Variants in B3GNT4 observed in about 807,000 individuals in gnomAD.
B3GNT4 encodes UDP-GlcNAc:betaGal beta-1,3-N-acetylglucosaminyltransferase 4.
Under a neutral mutation model 2.7 loss-of-function variants are expected in B3GNT4, and 2 were observed. The ratio of observed to expected loss-of-function variants is 0.73; its 90% CI spans 0.30 to 2.31. The LOEUF (loss-of-function observed/expected upper bound fraction) is 2.31. B3GNT4 is among the 30% of genes most tolerant of loss of function. The pLI is 0.12. For synonymous variants in B3GNT4, 280 were observed against 203.4 expected (o/e 1.38, Z -3.20); for missense variants, 708 against 490.9 (o/e 1.44, Z -4.18).
At position 122,204,966 on chromosome 12, in the gene B3GNT4, GCTGCAGTGAGCTATAATTGTGCCA is replaced by G. The variant is rs1265957480; in HGVS notation, c.66+288_66+311del. The G allele has an allele frequency of 2.7e-5, 12 of 450,816 alleles. No homozygotes were observed. In the East Asian group the frequency reaches 5.8e-4, roughly 22 times the overall value. 27.9% of individuals were successfully genotyped at this position (450,816 alleles called of 1,614,324 possible). The stretch of plus-strand genomic sequence containing the variant: ...GATCGCTTGAACCCAGGAGTTCCAG[GCTGCAGTGAGCTATAATTGTGCCA>G]CTGCACTAGAGTCTGGGTGACAGAG... On this transcript the variant is annotated intron_variant, in intron 2 of 2. Transcript: ENST00000324189.
chr12:122,204,580 C>G lies in B3GNT4; in HGVS notation c.-39C>G, dbSNP rs764706708. 6.6e-6 allele frequency: 10 copies of G among 1,524,808 alleles called. No homozygotes were observed. The highest frequency in any genetic ancestry group is 9.1e-6 in the Non-Finnish European group (10 of 1,102,870). 94.5% of individuals were successfully genotyped at this position (1,524,808 alleles called of 1,614,324 possible). On this transcript the variant is annotated 5_prime_UTR_variant, in exon 2 of 3. Transcript: ENST00000324189. ...CTTCGACCCCGCCGCCGCCGCCGCC[C>G]GGCATCCTGAGCACGGAGACAGTCT...
Position 122,204,562 on chromosome 12 carries a change from C to CCGCCG in B3GNT4, c.-56_-55insGCCGC. The CCGCCG allele has an allele frequency of 4.9e-6, 7 of 1,437,066 alleles. No individual in the cohort carries two copies. The highest frequency in any genetic ancestry group is 6.8e-6 in the Non-Finnish European group (7 of 1,028,976). 89.0% of individuals were successfully genotyped at this position (1,437,066 alleles called of 1,614,324 possible). ...CACCTGAGACTCATCTCGCTTCGAC[C>CCGCCG]CCGCCGCCGCCGCCGCCCGGCATCC... On this transcript the variant is annotated 5_prime_UTR_variant, in exon 2 of 3. Coordinates refer to ENST00000324189, the MANE Select transcript of B3GNT4 (RefSeq NM_030765.4).
Position 122,208,170 on chromosome 12 carries a change from G to C in B3GNT4, c.*782G>C. Reference sequence around the variant, plus strand: ...CAGAGTGGGGTGAAATGTTAAACAGGGTGCAGTGCCCAAGGGCTAAGAACC... The same window carrying C: ...CAGAGTGGGGTGAAATGTTAAACAGCGTGCAGTGCCCAAGGGCTAAGAACC... On this transcript the variant is annotated 3_prime_UTR_variant, in exon 3 of 3. Transcript: ENST00000324189. 1 of 704,316 alleles carries C rather than the reference G, an allele frequency of 1.4e-6. No individual in the cohort carries two copies. Among genetic ancestry groups the C allele is most frequent in the East Asian group, 2.7e-5 (1 of 36,946 alleles). 43.6% of individuals were successfully genotyped at this position (704,316 alleles called of 1,614,324 possible).
chr12:122,204,396 C>G, intron 1 of B3GNT4, 126 bp from the exon 2 acceptor site: 1 of 442,326 alleles, frequency 2.3e-6, no homozygotes. Flanking sequence ...ACGCCCGCGG[C>G]GGGACAGGGG....
chr12:122,204,827 G>A (rs1296507614), intron 2 of B3GNT4, 143 bp downstream of exon 2: 2 of 679,180 alleles, frequency 2.9e-6, no homozygotes, highest in African/African-American at 1.8e-5. Flanking sequence ...ATCGCTTGAG[G>A]CCAGGAGTTC....
chr12:122,207,118 G>A lies in B3GNT4; in HGVS notation c.867G>A (p.Arg289=). ...ATGTCATGTCCAGAGCCACAGTGCG[G>A]CGCCTCCAGGCTATCATGGAAGATG... ...GGYVMSRATV[R]RLQAIMEDAE... Residue 289 remains arginine (R), a synonymous_variant, in exon 3 of 3, where the codon CGG becomes CGA. Transcript: ENST00000324189. The A allele has an allele frequency of 1.2e-6, 2 of 1,614,130 alleles. No individual in the cohort carries two copies. The highest frequency in any genetic ancestry group is 1.1e-5 in the South Asian group (1 of 91,062).
intron 2 of B3GNT4, 53 bp from the exon 3 acceptor site, chr12:122,206,265 T>C (rs1208854353): frequency 2.1e-6 from 3 of 1,450,776 alleles, no homozygotes; most frequent in Non-Finnish European, 1.8e-6. Context: ...TGCCCAACTC[T>C]TGGGGACAGG....
rs1175304130 is a variant in B3GNT4, at chr12:122,207,158, A to G, written c.907A>G (p.Ile303Val). 3.1e-6 allele frequency: 5 copies of G among 1,613,924 alleles called. No individual in the cohort carries two copies. The highest frequency in any genetic ancestry group is 4.2e-6 in the Non-Finnish European group (5 of 1,180,010). The change falls in exon 3 of 3, where the codon ATT becomes GTT. Residue 303 changes from isoleucine (I) to valine (V), a missense_variant. Physicochemically the swap from Ile to Val is conservative, Grantham distance 29 (BLOSUM62 3). Transcript: ENST00000324189. ...AIMEDAELFPIDDVFVGMCLR... is the reference protein window; with the variant it reads ...AIMEDAELFPVDDVFVGMCLR... ...CATGGAAGATGCTGAACTCTTCCCC[A>G]TTGATGATGTCTTTGTGGGTATGTG...
Position 122,207,308 on chromosome 12 carries a change from C to A in B3GNT4, c.1057C>A (p.Pro353Thr). The change falls in exon 3 of 3, where the codon CCC becomes ACC. Residue 353 changes from proline (P) to threonine (T), a missense_variant. By Grantham distance (38) the Pro-to-Thr change is conservative (BLOSUM62 -1). Coordinates refer to ENST00000324189, the MANE Select transcript of B3GNT4 (RefSeq NM_030765.4). ...GCTCCTGCTGGTTCACCGCCTCAGC[C>A]CCCTCGAGATGTGGACCATGTGGGC... ...RGLLLVHRLS[P>T]LEMWTMWALV... 2 of 1,613,024 alleles carry A rather than the reference C, an allele frequency of 1.2e-6. No homozygotes were observed. Among genetic ancestry groups the A allele is most frequent in the South Asian group, 1.1e-5 (1 of 90,918 alleles).
rs574931817 is a variant in B3GNT4, at chr12:122,204,867, C to T, written c.66+183C>T. ...CCAGCCCAGGCAACAAAAGATACCA[C>T]ATCTCTACAAAAAATAAATTAGCCG... On this transcript the variant is annotated intron_variant, in intron 2 of 2. Coordinates refer to ENST00000324189, the MANE Select transcript of B3GNT4 (RefSeq NM_030765.4). 162 of 590,114 alleles carry T rather than the reference C, an allele frequency of 2.7e-4. 3 individuals carry two copies. The Middle Eastern group carries it at 3.2e-3, about 12-fold the overall frequency. The allele number at this position is 590,114 out of a possible 1,614,324, so 36.6% of individuals were successfully genotyped here.
rs1312924821 is a variant in B3GNT4 at position 122,206,397 on chromosome 12, TGAGG to T, written c.147_150del (p.Lys51ArgfsTer46). 2 of 1,612,950 alleles carry T rather than the reference TGAGG, an allele frequency of 1.2e-6. No homozygotes were observed. Among genetic ancestry groups the T allele is most frequent in the Middle Eastern group, 1.6e-4 (1 of 6,082 alleles). On this transcript the variant is annotated frameshift_variant, in exon 3 of 3. Transcript: ENST00000324189. LOFTEE classifies it low-confidence loss of function (END_TRUNC). Reference sequence around the variant, plus strand: ...CTGTTGCTCGGCTGCCTGCTCTTCCTGAGGAAGGCGGCCAAGCCCGCAGGAGACC... The same window carrying T: ...CTGTTGCTCGGCTGCCTGCTCTTCCTAAGGCGGCCAAGCCCGCAGGAGACC...
intron 1 of B3GNT4, 72 bp from the exon 2 acceptor site, chr12:122,204,449 CG>C (rs1953888049): frequency 1.5e-6 from 1 of 669,044 alleles, no homozygotes; most frequent in Non-Finnish European, 2.7e-6. Flanking sequence ...CCTCCTGGGA[CG>C]GAACCAAGCC....
rs1953943998 is a variant in B3GNT4 at position 122,207,327 on chromosome 12, TG to T, written c.1077del (p.Met359IlefsTer5). The T allele has an allele frequency of 3.7e-6, 6 of 1,609,534 alleles. No individual in the cohort carries two copies. The highest frequency in any genetic ancestry group is 5.1e-6 in the Non-Finnish European group (6 of 1,177,458). On this transcript the variant is annotated frameshift_variant, in exon 3 of 3. Transcript: ENST00000324189. LOFTEE classifies it low-confidence loss of function (END_TRUNC). ...HRLSPLEMWT[M>X]WALVTDEGLK... is the part of the protein sequence containing the mutation. Reference sequence around the variant, plus strand: ...CTCAGCCCCCTCGAGATGTGGACCATGTGGGCACTGGTGACAGATGAGGGGC... The same window carrying T: ...CTCAGCCCCCTCGAGATGTGGACCATTGGGCACTGGTGACAGATGAGGGGC...
rs1416714731 is a variant in B3GNT4 at position 122,208,306 on chromosome 12, G to A, written c.*918G>A. 1.3e-6 allele frequency: 2 copies of A among 1,558,720 alleles called. No homozygotes were observed. Among genetic ancestry groups the A allele is most frequent in the Admixed American group, 3.3e-5 (2 of 59,836 alleles). On this transcript the variant is annotated 3_prime_UTR_variant, in exon 3 of 3. Coordinates refer to ENST00000324189, the MANE Select transcript of B3GNT4 (RefSeq NM_030765.4). ...CTCTTCTCGGTGCACAGACAGTCAT[G>A]CCAACCCTGGGCAGGGTGGCATCTG...
In B3GNT4 at chr12:122,206,431, G is replaced by C; in HGVS notation, c.180G>C (p.Thr60=). Residue 60 remains threonine (T), a synonymous_variant, in exon 3 of 3, where the codon ACG becomes ACC. Coordinates refer to ENST00000324189, the MANE Select transcript of B3GNT4 (RefSeq NM_030765.4). ...CGGCCAAGCCCGCAGGAGACCCCAC[G>C]GCCCACCAGCCTTTCTGGGCTCCCC... ...RKAAKPAGDP[T]AHQPFWAPPT... The C allele has an allele frequency of 6.2e-7, 1 of 1,613,928 alleles. No individual in the cohort carries two copies. Among genetic ancestry groups the C allele is most frequent in the Non-Finnish European group, 8.5e-7 (1 of 1,179,980 alleles).
Position 122,206,375 on chromosome 12 carries a change from T to C in B3GNT4, c.124T>C (p.Leu42=), listed in dbSNP as rs1953915604. The C allele has an allele frequency of 1.2e-6, 2 of 1,610,076 alleles. No homozygotes were observed. The highest frequency in any genetic ancestry group is 2.2e-5 in the South Asian group (2 of 90,620). The change falls in exon 3 of 3, where the codon TTG becomes CTG. Residue 42 remains leucine (L), a synonymous_variant. Transcript: ENST00000324189. ...WLVSYSLAVL[L]LGCLLFLRKA... is the part of the protein sequence containing the mutation. Reference sequence around the variant, plus strand: ...GGTCTCGTACAGCTTGGCTGTGCTGTTGCTCGGCTGCCTGCTCTTCCTGAG... The same window carrying C: ...GGTCTCGTACAGCTTGGCTGTGCTGCTGCTCGGCTGCCTGCTCTTCCTGAG...
In B3GNT4 at chr12:122,204,562, CCCGCCG is replaced by C. The variant is rs374677108; in HGVS notation, c.-45_-40del. On this transcript the variant is annotated 5_prime_UTR_variant, in exon 2 of 3. Transcript: ENST00000324189. ...CACCTGAGACTCATCTCGCTTCGAC[CCCGCCG>C]CCGCCGCCGCCCGGCATCCTGAGCA... The C allele has an allele frequency of 9.0e-6, 13 of 1,437,008 alleles. No homozygotes were observed. Among genetic ancestry groups the C allele is most frequent in the African/African-American group, 1.4e-5 (1 of 72,106 alleles). 89.0% of individuals were successfully genotyped at this position (1,437,008 alleles called of 1,614,324 possible). A position where few individuals can be genotyped will look rare whatever the true frequency, so the allele number is the denominator to read the frequency against.
chr12:122,204,276 C>T (rs1593158499), intron 1 of B3GNT4, among the ~76,000 whole-genome samples: 1 of 151,984 alleles, frequency 6.6e-6, no homozygotes. Flanking sequence ...CCTCAGGACC[C>T]GCGCCCCACC....
Position 122,207,701 on chromosome 12 carries a change from A to G in B3GNT4, c.*313A>G, listed in dbSNP as rs1249591196. ...AGACGCATTTTCTCTTTCAGATGCAAACAAAATCTTACACTCTTCTCCTTT... is the reference window on the plus strand; with the variant it reads ...AGACGCATTTTCTCTTTCAGATGCAGACAAAATCTTACACTCTTCTCCTTT... On this transcript the variant is annotated 3_prime_UTR_variant, in exon 3 of 3. Transcript: ENST00000324189. 1.8e-6 allele frequency: 1 copy of G among 570,650 alleles called. No individual in the cohort carries two copies. The highest frequency in any genetic ancestry group is 3.3e-6 in the Non-Finnish European group (1 of 302,548). 35.3% of individuals were successfully genotyped at this position (570,650 alleles called of 1,614,324 possible).
Sources: gnomAD v4.1 joint callset for allele counts (sites outside exome capture counted in the v4.1 genomes callset) on GRCh38, gnomAD v4.1.1 for gene constraint, MANE v1.5 for transcripts, NCBI Gene and HGNC (gene_info 2026-07-23, HGNC 2026-07-21) for gene names.